Variants in PSMC2 observed in about 807,000 individuals in gnomAD.
PSMC2 encodes proteasome 26S subunit, ATPase 2, also known as 26S proteasome regulatory subunit 7.
In PSMC2, 7 loss-of-function variants were observed where a neutral mutation model predicts 53.3. That is an observed-to-expected ratio of 0.13 (90% CI 0.07 to 0.25). The LOEUF (loss-of-function observed/expected upper bound fraction) is 0.25, where lower values mean the gene tolerates loss of function less well. PSMC2 is among the 10% of genes least tolerant of loss of function. The probability of loss-of-function intolerance (pLI) is 1.00; values close to 1 mark genes in which losing one functional copy is unlikely to be tolerated. For missense variants in PSMC2, 241 were observed against 544.0 expected (o/e 0.44, Z 5.54); for synonymous variants, 169 against 183.9 (o/e 0.92, Z 0.66).
At chr7:103,355,904 C>A in intron 4 of PSMC2, 111 bp downstream of exon 4, 1 of 736,798 alleles carries the variant, frequency 1.4e-6, no homozygotes, top group South Asian at 2.8e-5. Context: ...TTCCAAATTC[C>A]AAGTAAATAA....
At chr7:103,347,611 C>A, upstream of PSMC2, 2 of 1,401,766 alleles carry the variant, frequency 1.4e-6, no homozygotes, top group Non-Finnish European at 2.0e-6. Context: ...TCTGTCTGAG[C>A]CCAATTTACT....
intron 7 of PSMC2, among the ~76,000 whole-genome samples, chr7:103,363,711 G>A (rs1328345527): frequency 6.6e-6 from 1 of 152,130 alleles, no homozygotes; most frequent in Non-Finnish European, 1.5e-5. Flanking sequence ...TGTTAAATAT[G>A]TTACAGGCTA....
intron 8 of PSMC2, among the ~76,000 whole-genome samples, chr7:103,364,696 C>G (rs1274590341): frequency 6.6e-6 from 1 of 152,048 alleles, no homozygotes; most frequent in Non-Finnish European, 1.5e-5. Flanking sequence ...GCAAGAACCA[C>G]CACGCCCGGC....
rs200658637 is a variant in PSMC2 at position 103,361,979 on chromosome 7, G to T, written c.313G>T (p.Asp105Tyr). The stretch of plus-strand genomic sequence containing the variant: ...TAGGTGTACAAAGATAATCAATGCT[G>T]ATTCGGAGGACCCAAAATACATTAT... ...VARCTKIINA[D>Y]SEDPKYIINV... The change falls in exon 5 of 12, where the codon GAT (aspartate) becomes TAT (tyrosine). Residue 105 changes from aspartate to tyrosine, a missense_variant. By Grantham distance (160) the Asp-to-Tyr change is radical. Transcript: ENST00000292644. 1.2e-6 allele frequency: 2 copies of T among 1,613,124 alleles called. No individual in the cohort carries two copies. The highest frequency in any genetic ancestry group is 1.7e-6 in the Non-Finnish European group (2 of 1,179,784).
rs970916303 is a variant in PSMC2 at position 103,367,370 on chromosome 7, T to C, written c.845-43T>C. 6.3e-7 allele frequency: 1 copy of C among 1,598,388 alleles called. No homozygotes were observed. The highest frequency in any genetic ancestry group is 1.7e-5 in the Admixed American group (1 of 59,964). ...TTTCAGGTCATGCATAGTGCTACTC[T>C]TGAGTGGACTTGAAGAGCTTATCTT... On this transcript the variant is annotated intron_variant, in intron 9 of 11. Coordinates refer to ENST00000292644, the MANE Select transcript of PSMC2 (RefSeq NM_002803.4). The surrounding 1 kb of genome is among the most constrained non-coding windows in gnomAD (Gnocchi z 6.1).
At chr7:103,357,373 C>T (rs772750472) in intron 4 of PSMC2, among the ~76,000 whole-genome samples, 22 of 151,014 alleles carry the variant, frequency 1.5e-4, no homozygotes, top group Non-Finnish European at 3.1e-4. Flanking sequence ...ATAATAACAA[C>T]TGTATTTCCC....
At chr7:103,349,789 T>C (rs904244986) in intron 1 of PSMC2, among the ~76,000 whole-genome samples, 1 of 152,206 alleles carries the variant, frequency 6.6e-6, no homozygotes, top group African/African-American at 2.4e-5. Flanking sequence ...CGATCTCAAC[T>C]TGGTCCTAAT....
intron 1 of PSMC2, among the ~76,000 whole-genome samples, chr7:103,351,408 T>A (rs910952003): frequency 1.3e-5 from 2 of 152,180 alleles, no homozygotes; most frequent in African/African-American, 4.8e-5. Flanking sequence ...CAACAGGTAG[T>A]GACAATATGT....
intron 4 of PSMC2, among the ~76,000 whole-genome samples, chr7:103,359,172 A>ATTTTTTTTTTTTTTTTTTT (rs1586155184): frequency 1.0e-4 from 6 of 58,384 alleles, no homozygotes; most frequent in Admixed American, 2.4e-4. Flanking sequence ...TTTTTTTTTA[A>ATTTTTTTTTTTTTTTTTTT]TTTTTAGTAG....
rs1586139561 is a variant in PSMC2, at chr7:103,353,958, T to C, written c.108T>C (p.Tyr36=). ...DEGDIALLKT[Y]GQSTYSRQIK... The stretch of plus-strand genomic sequence containing the variant: ...GGGATATTGCCTTGTTGAAAACTTA[T>C]GTAAGTCCTTTCAGTGTCTACAAAC... The change falls in exon 2 of 12, where the codon TAT becomes TAC. Residue 36 remains tyrosine (Y), a splice_region_variant and synonymous_variant. Transcript: ENST00000292644. The C allele has an allele frequency of 6.3e-6, 10 of 1,593,660 alleles. No homozygotes were observed. Among genetic ancestry groups the C allele is most frequent in the East Asian group, 4.5e-5 (2 of 44,622 alleles).
chr7:103,367,277 C>CA lies in PSMC2; in HGVS notation c.845-135dup. On this transcript the variant is annotated intron_variant, in intron 9 of 11. Transcript: ENST00000292644. The surrounding 1 kb of genome is among the most constrained non-coding windows in gnomAD (Gnocchi z 6.1). Reference sequence around the variant, plus strand: ...TTTTATATAAAGCAAGCTGTTCTTACAGGATTTGCTTCAAAGTGGGATGTC... The same window carrying CA: ...TTTTATATAAAGCAAGCTGTTCTTACAAGGATTTGCTTCAAAGTGGGATGTC... The CA allele has an allele frequency of 1.5e-6, 1 of 682,190 alleles. No individual in the cohort carries two copies. The allele number at this position is 682,190 out of a possible 1,614,324, so 42.3% of individuals were successfully genotyped here.
rs1820765857 is a variant in PSMC2, at chr7:103,367,270, G to A, written c.845-143G>A. The A allele has an allele frequency of 1.5e-6, 1 of 660,336 alleles. No homozygotes were observed. Among genetic ancestry groups the A allele is most frequent in the Non-Finnish European group, 2.7e-6 (1 of 375,054 alleles). 40.9% of individuals were successfully genotyped at this position (660,336 alleles called of 1,614,324 possible). A position where few individuals can be genotyped will look rare whatever the true frequency, so the allele number is the denominator to read the frequency against. ...TAATTAGTTTTATATAAAGCAAGCT[G>A]TTCTTACAGGATTTGCTTCAAAGTG... On this transcript the variant is annotated intron_variant, in intron 9 of 11. Coordinates refer to ENST00000292644, the MANE Select transcript of PSMC2 (RefSeq NM_002803.4). This position sits in a 1 kb window ranked among gnomAD's most constrained non-coding sequence, Gnocchi z 6.1.
At chr7:103,364,412 CTTTT>C (rs1162521765) in intron 8 of PSMC2, 105 bp downstream of exon 8, 12 of 1,319,240 alleles carry the variant, frequency 9.1e-6, no homozygotes, top group Middle Eastern at 2.4e-4. Flanking sequence ...CCTGAAATTT[CTTTT>C]TTCTTTTGTT....
intron 5 of PSMC2, 26 bp downstream of exon 5, chr7:103,362,114 C>T: frequency 1.2e-6 from 2 of 1,610,776 alleles, no homozygotes; most frequent in Non-Finnish European, 1.7e-6. Flanking sequence ...ACAATAAATA[C>T]TTTTCTTTCA....
intron 7 of PSMC2, 72 bp from the exon 8 acceptor site, chr7:103,364,069 CTT>C: frequency 7.1e-7 from 1 of 1,415,438 alleles, no homozygotes; most frequent in South Asian, 1.4e-5. Flanking sequence ...CATAAAAGCA[CTT>C]TGTTGATTTA....
chr7:103,355,603 G>A, intron 3 of PSMC2, 91 bp from the exon 4 acceptor site: 1 of 945,038 alleles, frequency 1.1e-6, no homozygotes, highest in Non-Finnish European at 1.7e-6. Flanking sequence ...GAATGATTCA[G>A]TGCAAAATAT....
In PSMC2 at chr7:103,367,391, A is replaced by T. The variant is rs574394108; in HGVS notation, c.845-22A>T. ...ACTCTTGAGTGGACTTGAAGAGCTT[A>T]TCTTTCCTTTTGTCTTCTCAGGGGC... is the stretch of plus-strand genomic sequence containing the variant. On this transcript the variant is annotated intron_variant, in intron 9 of 11. Transcript: ENST00000292644. This position sits in a 1 kb window ranked among gnomAD's most constrained non-coding sequence, Gnocchi z 6.1. The T allele has an allele frequency of 1.2e-6, 2 of 1,611,882 alleles. No individual in the cohort carries two copies. The highest frequency in any genetic ancestry group is 2.2e-5 in the South Asian group (2 of 90,956).
At chr7:103,358,534 GCTTTT>G (rs1431587203) in intron 4 of PSMC2, among the ~76,000 whole-genome samples, 1 of 151,478 alleles carries the variant, frequency 6.6e-6, no homozygotes, top group Non-Finnish European at 1.5e-5. Context: ...CTTTCTATGA[GCTTTT>G]CTTTATCTTT....
At chr7:103,362,114 C>A in intron 5 of PSMC2, 26 bp downstream of exon 5, 2 of 1,610,776 alleles carry the variant, frequency 1.2e-6, no homozygotes, top group African/African-American at 1.3e-5. Flanking sequence ...ACAATAAATA[C>A]TTTTCTTTCA....
Sources: gnomAD v4.1 joint callset for allele counts (sites outside exome capture counted in the v4.1 genomes callset) on GRCh38, gnomAD v4.1.1 for gene constraint, Gnocchi (gnomAD v3.1) non-coding constraint, MANE v1.5 for transcripts, NCBI Gene and HGNC (gene_info 2026-07-23, HGNC 2026-07-21) for gene names.